The following SNRPA variants were observed in gnomAD, a reference collection of about 807,000 sequenced individuals.
SNRPA encodes the protein small nuclear ribonucleoprotein polypeptide A, also known as U1 small nuclear ribonucleoprotein A.
SNRPA carries 10 observed loss-of-function variants against 24.5 expected under a neutral mutation model. The observed-to-expected ratio is 0.41, with a 90% CI of 0.25 to 0.69. The LOEUF (loss-of-function observed/expected upper bound fraction) is 0.69, where lower values mean the gene tolerates loss of function less well. Ranked by LOEUF, SNRPA falls within the 30% of genes least tolerant of loss-of-function variation. The pLI is 0.33. For missense variants in SNRPA, 283 were observed against 394.7 expected (o/e 0.72, Z 2.40); for synonymous variants, 165 against 148.4 (o/e 1.11, Z -0.81).
intron 1 of SNRPA, among the ~76,000 whole-genome samples, chr19:40,754,326 C>T (rs1358871413): frequency 6.6e-6 from 1 of 151,838 alleles, no homozygotes; most frequent in Admixed American, 6.6e-5. Flanking sequence ...TGGTCTCGAA[C>T]TCCTGAACTG....
In SNRPA at chr19:40,751,545, C is replaced by T. The variant is rs1475117633; in HGVS notation, c.73+64C>T. ...CACGGGCTGGCCCCTCTTCCGTCCC[C>T]TGCACCCGCCTCTCTTTCTAAGTGT... On this transcript the variant is annotated intron_variant, in intron 1 of 5. Coordinates refer to ENST00000243563, the MANE Select transcript of SNRPA (RefSeq NM_004596.5). 3.6e-6 allele frequency: 4 copies of T among 1,116,308 alleles called. No individual in the cohort carries two copies. The East Asian group carries it at 9.4e-5, about 26-fold the overall frequency. The allele number at this position is 1,116,308 out of a possible 1,614,324, so 69.2% of individuals were successfully genotyped here.
intron 1 of SNRPA, 198 bp downstream of exon 1, chr19:40,751,679 T>C: frequency 1.8e-6 from 1 of 568,322 alleles, no homozygotes. Flanking sequence ...TGGTCACTGC[T>C]GCTCATCTTA....
chr19:40,760,799 C>A (rs980213149), intron 3 of SNRPA, among the ~76,000 whole-genome samples: 1 of 152,058 alleles, frequency 6.6e-6, no homozygotes, highest in Non-Finnish European at 1.5e-5. Flanking sequence ...GAAAACTGGG[C>A]GTGGTGACTC....
Position 40,751,407 on chromosome 19 carries a change from C to T in SNRPA, c.-2C>T. 3 of 1,610,500 alleles carry T rather than the reference C, an allele frequency of 1.9e-6. No individual in the cohort carries two copies. Among genetic ancestry groups the T allele is most frequent in the South Asian group, 1.1e-5 (1 of 90,996 alleles). Reference sequence around the variant, plus strand: ...TTAAGACTTACCTCAACACTTCACTCCATGGCAGTTCCCGAGACCCGCCCT... The same window carrying T: ...TTAAGACTTACCTCAACACTTCACTTCATGGCAGTTCCCGAGACCCGCCCT... On this transcript the variant is annotated 5_prime_UTR_variant, in exon 1 of 6. Transcript: ENST00000243563.
At chr19:40,753,726 C>T (rs1026435673) in intron 1 of SNRPA, among the ~76,000 whole-genome samples, 5 of 151,768 alleles carry the variant, frequency 3.3e-5, no homozygotes, top group Non-Finnish European at 7.4e-5. Context: ...TGGTGCCCAA[C>T]CATTATCGGG....
chr19:40,760,100 C>A (rs905906254), intron 3 of SNRPA, among the ~76,000 whole-genome samples: 1 of 152,134 alleles, frequency 6.6e-6, no homozygotes, highest in African/African-American at 2.4e-5. Flanking sequence ...CATCACAGCT[C>A]ACTACAACCT....
In SNRPA at chr19:40,765,231, A is replaced by T; in HGVS notation, c.*64A>T. 1 of 1,236,620 alleles carries T rather than the reference A, an allele frequency of 8.1e-7. No homozygotes were observed. The highest frequency in any genetic ancestry group is 1.1e-6 in the Non-Finnish European group (1 of 935,702). The allele number at this position is 1,236,620 out of a possible 1,614,324, so 76.6% of individuals were successfully genotyped here. A position where few individuals can be genotyped will look rare whatever the true frequency, so the allele number is the denominator to read the frequency against. On this transcript the variant is annotated 3_prime_UTR_variant, in exon 6 of 6. Transcript: ENST00000243563. ...GGGCCACCCCTTTCCCCCTTGGCTC[A>T]GCCCCCTGAAGGTAAGTCCCCCCTT...
chr19:40,756,720 G>A (rs1179098999), intron 1 of SNRPA, among the ~76,000 whole-genome samples: 3 of 152,144 alleles, frequency 2.0e-5, no homozygotes, highest in Non-Finnish European at 4.4e-5. Context: ...GACAGGAGGT[G>A]GGAAATAGTC....
chr19:40,761,515 G>A (rs2082932775), intron 3 of SNRPA, among the ~76,000 whole-genome samples: 1 of 119,322 alleles, frequency 8.4e-6, no homozygotes, highest in African/African-American at 3.1e-5. Flanking sequence ...AGTCCAGGCT[G>A]GAGTGCAGTG....
In SNRPA at chr19:40,763,286, T is replaced by G. The variant is rs1599730098; in HGVS notation, c.600+212T>G. ...TACGGAAGGTTAGGGTAGGCTGGAG[T>G]GGTGCCAGCACCTAGATTGATTCCA... On this transcript the variant is annotated intron_variant, in intron 4 of 5. Transcript: ENST00000243563. The G allele has an allele frequency of 5.1e-6, 3 of 593,480 alleles. No homozygotes were observed. In the South Asian group the frequency reaches 6.2e-5, roughly 12 times the overall value. 36.8% of individuals were successfully genotyped at this position (593,480 alleles called of 1,614,324 possible). A position where few individuals can be genotyped will look rare whatever the true frequency, so the allele number is the denominator to read the frequency against.
chr19:40,755,914 G>A (rs1009735200), intron 1 of SNRPA, among the ~76,000 whole-genome samples: 4 of 152,272 alleles, frequency 2.6e-5, no homozygotes, highest in Middle Eastern at 3.4e-3. Flanking sequence ...CCTGTTTCCA[G>A]TAAAATTGGG....
intron 1 of SNRPA, among the ~76,000 whole-genome samples, chr19:40,752,522 C>T (rs931953376): frequency 1.5e-5 from 2 of 134,506 alleles, no homozygotes; most frequent in Admixed American, 8.8e-5. Flanking sequence ...GCAGGAGGAT[C>T]ACTGAAACAC....
chr19:40,751,433 A>T lies in SNRPA; in HGVS notation c.25A>T (p.Asn9Tyr). Reference sequence around the variant, plus strand: ...CATGGCAGTTCCCGAGACCCGCCCTAACCACACTATTTATATCAACAACCT... The same window carrying T: ...CATGGCAGTTCCCGAGACCCGCCCTTACCACACTATTTATATCAACAACCT... MAVPETRP[N>Y]HTIYINNLNE... is the part of the protein sequence containing the mutation. Residue 9 changes from asparagine (N) to tyrosine (Y), a missense_variant, in exon 1 of 6, where the codon AAC becomes TAC. Asn to Tyr is a moderately radical substitution (Grantham distance 143, BLOSUM62 -2). Around this residue, in one of 6 missense-constraint regions of SNRPA, gnomAD observed 32 missense variants for 26.8 expected, o/e 1.19. Coordinates refer to ENST00000243563, the MANE Select transcript of SNRPA (RefSeq NM_004596.5). 6.2e-7 allele frequency: 1 copy of T among 1,613,546 alleles called. No individual in the cohort carries two copies. Among genetic ancestry groups the T allele is most frequent in the Non-Finnish European group, 8.5e-7 (1 of 1,179,618 alleles).
chr19:40,763,174 G>A (rs2082940386), intron 4 of SNRPA, 100 bp downstream of exon 4: 3 of 877,802 alleles, frequency 3.4e-6, no homozygotes, highest in East Asian at 2.7e-5. Flanking sequence ...GGTGGTCTGG[G>A]CAGGCCCCCT....
In SNRPA at chr19:40,763,801, G is replaced by A. The variant is rs533147253; in HGVS notation, c.689+126G>A. The A allele has an allele frequency of 8.0e-4, 630 of 788,880 alleles. 4 individuals are homozygous for A. Among genetic ancestry groups the A allele is most frequent in the South Asian group, 1.1e-3 (76 of 68,974 alleles). 48.9% of individuals were successfully genotyped at this position (788,880 alleles called of 1,614,324 possible). On this transcript the variant is annotated intron_variant, in intron 5 of 5. Coordinates refer to ENST00000243563, the MANE Select transcript of SNRPA (RefSeq NM_004596.5). ...AGTAGGGCTTTGCAGAAGGGACAGC[G>A]ACCAAAGATGTGAAAGGAGGAGGCT...
At position 40,765,133 on chromosome 19, in the gene SNRPA, A is replaced by G. The variant is rs779715184; in HGVS notation, c.815A>G (p.Asn272Ser). ...CTGCAGGGCTTTAAGATCACGCAGA[A>G]CAACGCCATGAAGATCTCCTTTGCC... ...DALQGFKITQ[N>S]NAMKISFAKK The change falls in exon 6 of 6, where the codon AAC (asparagine) becomes AGC (serine). Residue 272 changes from asparagine to serine, a missense_variant. Physicochemically the swap from Asn to Ser is conservative, Grantham distance 46. Around this residue, in one of 6 missense-constraint regions of SNRPA, gnomAD observed 51 missense variants for 110.3 expected, o/e 0.46. Transcript: ENST00000243563. The G allele has an allele frequency of 6.4e-7, 1 of 1,558,646 alleles. No homozygotes were observed. Among genetic ancestry groups the G allele is most frequent in the Non-Finnish European group, 8.7e-7 (1 of 1,153,336 alleles).
At position 40,765,101 on chromosome 19, in the gene SNRPA, C is replaced by A. The variant is rs756833065; in HGVS notation, c.783C>A (p.Arg261=). 21 of 1,587,316 alleles carry A rather than the reference C, an allele frequency of 1.3e-5. No individual in the cohort carries two copies. The highest frequency in any genetic ancestry group is 1.8e-5 in the Non-Finnish European group (21 of 1,168,318). The part of the protein sequence containing the change: ...FDNEVQAGAA[R]DALQGFKITQ... ...ATGAGGTACAGGCAGGGGCAGCTCG[C>A]GATGCCCTGCAGGGCTTTAAGATCA... Residue 261 remains arginine, a synonymous_variant, in exon 6 of 6, where the codon CGC becomes CGA. Transcript: ENST00000243563.
intron 3 of SNRPA, among the ~76,000 whole-genome samples, chr19:40,760,068 C>T (rs895779796): frequency 1.3e-5 from 2 of 152,014 alleles, no homozygotes; most frequent in Non-Finnish European, 2.9e-5. Context: ...TCACTGTCAC[C>T]CAGGTTGGAG....
chr19:40,754,837 G>T (rs995980005), intron 1 of SNRPA, among the ~76,000 whole-genome samples: 4 of 152,106 alleles, frequency 2.6e-5, no homozygotes, highest in Middle Eastern at 3.2e-3. Context: ...GGGTAAATGC[G>T]AATGGGCGAG....
Sources: allele counts gnomAD v4.1 joint callset (sites outside exome capture counted in the v4.1 genomes callset), GRCh38; gene constraint gnomAD v4.1.1; regional missense constraint gnomAD v4.1.1; transcripts MANE v1.5; gene names NCBI Gene and HGNC (gene_info 2026-07-23, HGNC 2026-07-21).